The following SCMH1 variants were observed in gnomAD, a reference collection of about 807,000 sequenced individuals.
SCMH1 encodes Scm polycomb group protein homolog 1, also known as polycomb protein SCMH1.
Under a neutral mutation model 70.8 loss-of-function variants are expected in SCMH1, and 37 were observed. The observed-to-expected ratio is 0.52, with a 90% CI of 0.40 to 0.69. SCMH1 has a LOEUF of 0.69. SCMH1 is among the 30% of genes least tolerant of loss of function. SCMH1 has a pLI of 0.00. For synonymous variants in SCMH1, 292 were observed against 307.4 expected, an observed-to-expected ratio of 0.95 and a Z score of 0.52; for missense variants, 607 against 827.3, an observed-to-expected ratio of 0.73 and a Z score of 3.27.
intron 10 of SCMH1, 27 bp downstream of exon 10, chr1:41,070,568 G>A (rs773375992): frequency 2.4e-5 from 38 of 1,613,402 alleles, no homozygotes; most frequent in Admixed American, 1.8e-4. Flanking sequence ...GGGCTTGTGC[G>A]CAGGTAGTCC....
chr1:41,163,984 A>C (rs1428543896), intron 2 of SCMH1, among the ~76,000 whole-genome samples: 1 of 152,130 alleles, frequency 6.6e-6, no homozygotes, highest in East Asian at 1.9e-4. Flanking sequence ...AGGAGAATAT[A>C]TTTTCCTTGG....
chr1:41,081,831 G>A (rs1343951420), intron 8 of SCMH1, among the ~76,000 whole-genome samples: 1 of 136,740 alleles, frequency 7.3e-6, no homozygotes, highest in Non-Finnish European at 1.6e-5. Context: ...AAAAAAAAAA[G>A]ACATATATTA....
intron 5 of SCMH1, among the ~76,000 whole-genome samples, chr1:41,143,978 T>C (rs549607428): frequency 1.1e-3 from 160 of 152,360 alleles, no homozygotes; most frequent in Middle Eastern, 6.8e-3. Context: ...TTCCAGCTCT[T>C]GGCGATTACA....
chr1:41,221,461 T>A (rs1393080298), intron 1 of SCMH1, among the ~76,000 whole-genome samples: 1 of 150,710 alleles, frequency 6.6e-6, no homozygotes, highest in Non-Finnish European at 1.5e-5. Flanking sequence ...AAGACTAGCC[T>A]AGGCAACATA....
chr1:41,075,195 C>T, intron 9 of SCMH1, 24 bp downstream of exon 9: 1 of 1,610,982 alleles, frequency 6.2e-7, no homozygotes, highest in Non-Finnish European at 8.5e-7. Flanking sequence ...TTATTCCTTT[C>T]TGGGAAACCC....
intron 8 of SCMH1, among the ~76,000 whole-genome samples, chr1:41,090,836 G>A (rs979038508): frequency 1.3e-5 from 2 of 151,946 alleles, no homozygotes; most frequent in Non-Finnish European, 2.9e-5. Context: ...TCAGGAGATC[G>A]AGACCATCCT....
chr1:41,084,361 A>C (rs1387014498), intron 8 of SCMH1, among the ~76,000 whole-genome samples: 1 of 152,238 alleles, frequency 6.6e-6, no homozygotes, highest in African/African-American at 2.4e-5. Context: ...ATGCAGCCAA[A>C]AAATACATGA....
intron 13 of SCMH1, among the ~76,000 whole-genome samples, chr1:41,033,296 A>G (rs1644814805): frequency 1.3e-5 from 2 of 152,066 alleles, no homozygotes; most frequent in South Asian, 4.2e-4. Flanking sequence ...AAAAAAAAAA[A>G]AAGGAGGCCA....
chr1:41,165,130 G>A (rs1282242599), intron 2 of SCMH1, among the ~76,000 whole-genome samples: 1 of 151,936 alleles, frequency 6.6e-6, no homozygotes, highest in Non-Finnish European at 1.5e-5. Flanking sequence ...TTCTACATGT[G>A]AGATTATATG....
chr1:41,039,752 G>A (rs1263334635), intron 12 of SCMH1, among the ~76,000 whole-genome samples: 1 of 152,050 alleles, frequency 6.6e-6, no homozygotes, highest in Non-Finnish European at 1.5e-5. Context: ...GGGATCACAG[G>A]TGTGAGCAAC....
intron 6 of SCMH1, among the ~76,000 whole-genome samples, chr1:41,118,446 A>T (rs1671085434): frequency 6.6e-6 from 1 of 152,232 alleles, no homozygotes; most frequent in Non-Finnish European, 1.5e-5. Context: ...AAACATGTCA[A>T]CCGATAAACC....
chr1:41,145,649 A>C (rs1481536205), intron 5 of SCMH1, among the ~76,000 whole-genome samples: 1 of 152,208 alleles, frequency 6.6e-6, no homozygotes, highest in Non-Finnish European at 1.5e-5. Flanking sequence ...TTGGAAAATA[A>C]TGCTGTCAGT....
In SCMH1 at chr1:41,071,852, G is replaced by A. The variant is rs1200877324; in HGVS notation, c.979-1131C>T. 2.0e-5 allele frequency among the ~76,000 whole-genome samples: 3 copies of A among 152,194 alleles called. No homozygotes were observed. In the East Asian group the frequency reaches 5.8e-4, roughly 29 times the overall value. On this transcript the variant is annotated intron_variant, in intron 9 of 14. Coordinates refer to ENST00000337495, the Ensembl canonical transcript of SCMH1. ...TTACTTTTAAATTTTTTGTAGAGAT[G>A]AGGTCTCATTATATTGCCAAGGCTG...
chr1:41,056,568 T>C (rs893989930), intron 10 of SCMH1, among the ~76,000 whole-genome samples: 2 of 151,944 alleles, frequency 1.3e-5, no homozygotes, highest in African/African-American at 4.8e-5. Context: ...TAACAACCAG[T>C]AAAAAGCTGA....
At chr1:41,059,465 G>A (rs759398258) in intron 10 of SCMH1, among the ~76,000 whole-genome samples, 1 of 152,086 alleles carries the variant, frequency 6.6e-6, no homozygotes, top group Non-Finnish European at 1.5e-5. Context: ...ATCAGCTGCT[G>A]GTCAGCCAAA....
intron 1 of SCMH1, among the ~76,000 whole-genome samples, chr1:41,208,638 T>C (rs542047454): frequency 6.6e-6 from 1 of 152,096 alleles, no homozygotes; most frequent in East Asian, 1.9e-4. Context: ...ACTGGGTAAA[T>C]AATGAAATGA....
intron 2 of SCMH1, among the ~76,000 whole-genome samples, chr1:41,180,174 C>G (rs538494361): frequency 1.3e-5 from 2 of 152,144 alleles, no homozygotes; most frequent in Non-Finnish European, 2.9e-5. Context: ...ACACTTCATG[C>G]TAAAAACTCT....
At chr1:41,181,903 T>C (rs1648881296) in intron 2 of SCMH1, among the ~76,000 whole-genome samples, 1 of 152,202 alleles carries the variant, frequency 6.6e-6, no homozygotes, top group African/African-American at 2.4e-5. Context: ...TGCACACGTA[T>C]GTTTATTGCG....
At chr1:41,154,149 T>C (rs899941153) in intron 4 of SCMH1, among the ~76,000 whole-genome samples, 1 of 152,208 alleles carries the variant, frequency 6.6e-6, no homozygotes, top group Admixed American at 6.5e-5. Flanking sequence ...CTGGTATAAA[T>C]CATTGACTCT....
Sources: allele counts gnomAD v4.1 joint callset (sites outside exome capture counted in the v4.1 genomes callset), GRCh38; gene constraint gnomAD v4.1.1; transcripts MANE v1.5; gene names NCBI Gene and HGNC (gene_info 2026-07-23, HGNC 2026-07-21).